The following PACS1 variants were observed in gnomAD, a reference collection of about 807,000 sequenced individuals.
The protein encoded by PACS1 is PACS-1.
A neutral mutation model predicts 115.0 loss-of-function variants in PACS1; 24 were observed. The ratio of observed to expected loss-of-function variants is 0.21; its 90% confidence interval spans 0.15 to 0.29. The LOEUF (loss-of-function observed/expected upper bound fraction) is 0.29, where lower values mean the gene tolerates loss of function less well. Ranked by LOEUF, PACS1 falls within the 10% of genes least tolerant of loss-of-function variation. The pLI, the probability that PACS1 is intolerant of heterozygous loss-of-function variation, is 1.00. For synonymous variants in PACS1, 453 were observed against 504.5 expected, an observed-to-expected ratio of 0.90 and a Z score of 1.37; for missense variants, 838 against 1,251.2, an observed-to-expected ratio of 0.67 and a Z score of 4.98.
chr11:66,154,529 T>G (rs191569576), intron 1 of PACS1, among the ~76,000 whole-genome samples: 1 of 152,228 alleles, frequency 6.6e-6, no homozygotes, highest in East Asian at 1.9e-4. Context: ...ACAAGGTCAG[T>G]ATATCAAGAA....
intron 1 of PACS1, among the ~76,000 whole-genome samples, chr11:66,079,913 C>T (rs1324249370): frequency 6.6e-6 from 1 of 152,160 alleles, no homozygotes; most frequent in African/African-American, 2.4e-5. Context: ...ACTTGCTGTT[C>T]CCTCTACCTG....
chr11:66,149,090 CTTTTTTTT>C (rs10717909), intron 1 of PACS1, among the ~76,000 whole-genome samples: 2 of 98,136 alleles, frequency 2.0e-5, no homozygotes, highest in African/African-American at 4.0e-5. Context: ...TGCACACGCA[CTTTTTTTT>C]TTTTTTTTTT....
intron 10 of PACS1, among the ~76,000 whole-genome samples, chr11:66,225,520 G>A (rs1463049495): frequency 2.0e-5 from 3 of 152,196 alleles, no homozygotes; most frequent in African/African-American, 4.8e-5. Context: ...ATTATCAGGA[G>A]ATGGATATGC....
In PACS1 at chr11:66,221,184, C is replaced by T; in HGVS notation, c.1230C>T (p.Ser410=). 6.2e-7 allele frequency: 1 copy of T among 1,614,244 alleles called. No individual in the cohort carries two copies. The highest frequency in any genetic ancestry group is 8.5e-7 in the Non-Finnish European group (1 of 1,180,034). The change falls in exon 10 of 24, where the codon AGC becomes AGT. Residue 410 remains serine (S), a synonymous_variant. Transcript: ENST00000320580. The stretch of plus-strand genomic sequence containing the variant: ...TCTTTGAGGGGATGTCGCAGTCCAG[C>T]TCCCAGACGGAGATTGGCAGCCTCA... ...KPFFEGMSQS[S]SQTEIGSLNS... is the part of the protein sequence containing the mutation.
At chr11:66,169,550 C>T (rs945558905) in intron 1 of PACS1, among the ~76,000 whole-genome samples, 3 of 144,922 alleles carry the variant, frequency 2.1e-5, no homozygotes, top group African/African-American at 8.2e-5. Flanking sequence ...CAGGTGTGTG[C>T]CACCACGCCC....
intron 7 of PACS1, chr11:66,219,517 TG>T (rs1488190965): frequency 3.0e-6 from 2 of 667,450 alleles, no homozygotes; most frequent in South Asian, 1.5e-5. Flanking sequence ...GTGGAGGACC[TG>T]GGGATAGACA....
Position 66,070,640 on chromosome 11 carries a change from C to T in PACS1, c.154C>T (p.Gln52Ter), listed in dbSNP as rs2134486474. ...PQQPTPPKLA[Q>*]ATSSSSSTSA... Reference sequence around the variant, plus strand: ...GCAGCCGACGCCCCCCAAGCTGGCCCAGGCCACCTCGTCGTCCTCGTCCAC... The same window carrying T: ...GCAGCCGACGCCCCCCAAGCTGGCCTAGGCCACCTCGTCGTCCTCGTCCAC... Residue 52 changes from glutamine (Q) to a stop codon, truncating the protein, a stop_gained, in exon 1 of 24, where the codon CAG becomes TAG. Transcript: ENST00000320580. LOFTEE classifies it high-confidence loss of function. The surrounding 1 kb of genome is among the most constrained non-coding windows in gnomAD (Gnocchi z 5.9). 6.4e-7 allele frequency: 1 copy of T among 1,558,228 alleles called. No individual in the cohort carries two copies.
At chr11:66,144,212 A>G (rs1859066732) in intron 1 of PACS1, among the ~76,000 whole-genome samples, 1 of 152,226 alleles carries the variant, frequency 6.6e-6, no homozygotes, top group South Asian at 2.1e-4. Context: ...AAAGAATGAG[A>G]AGACTAACTA....
chr11:66,199,240 A>G (rs1476330797), intron 2 of PACS1, among the ~76,000 whole-genome samples: 2 of 150,326 alleles, frequency 1.3e-5, no homozygotes, highest in Non-Finnish European at 1.5e-5. Flanking sequence ...GCGTGAACCC[A>G]GGAGTCGGAG....
intron 1 of PACS1, among the ~76,000 whole-genome samples, chr11:66,134,082 A>G (rs1159562686): frequency 5.3e-5 from 8 of 151,808 alleles, no homozygotes; most frequent in African/African-American, 1.7e-4. Flanking sequence ...TCACATTGTC[A>G]TTGTTCCAGG....
At chr11:66,189,985 T>C (rs1407859893) in intron 1 of PACS1, among the ~76,000 whole-genome samples, 1 of 152,240 alleles carries the variant, frequency 6.6e-6, no homozygotes, top group Non-Finnish European at 1.5e-5. Context: ...ATCTGATGTC[T>C]ACTGTGACGA....
intron 2 of PACS1, among the ~76,000 whole-genome samples, chr11:66,202,277 A>T (rs1444445312): frequency 6.6e-6 from 1 of 152,214 alleles, no homozygotes; most frequent in Non-Finnish European, 1.5e-5. Context: ...AGGCCTTGAT[A>T]GCTTCACTAC....
At chr11:66,156,852 C>G (rs891608486) in intron 1 of PACS1, among the ~76,000 whole-genome samples, 1 of 124,820 alleles carries the variant, frequency 8.0e-6, no homozygotes, top group African/African-American at 2.8e-5. Flanking sequence ...GACTCTGTCT[C>G]GAAAAAAAAA....
intron 1 of PACS1, among the ~76,000 whole-genome samples, chr11:66,105,993 C>T (rs1363301969): frequency 6.6e-6 from 1 of 152,174 alleles, no homozygotes; most frequent in Non-Finnish European, 1.5e-5. Context: ...TTTGGGTTTT[C>T]TCAAAGCGTC....
At chr11:66,136,353 A>ACACC (rs770822575) in intron 1 of PACS1, among the ~76,000 whole-genome samples, 1 of 150,228 alleles carries the variant, frequency 6.7e-6, no homozygotes, top group African/African-American at 2.5e-5. Context: ...ACACACACAC[A>ACACC]CCAAAAACCA....
chr11:66,142,145 TC>T (rs770290972), intron 1 of PACS1, among the ~76,000 whole-genome samples: 1 of 152,010 alleles, frequency 6.6e-6, no homozygotes, highest in Non-Finnish European at 1.5e-5. Flanking sequence ...CAGGCTGCTC[TC>T]CTGGGCTCAA....
Position 66,234,343 on chromosome 11 carries a change from G to A in PACS1, c.2104+101G>A, listed in dbSNP as rs905289290. On this transcript the variant is annotated intron_variant, in intron 17 of 23. Transcript: ENST00000320580. Reference sequence around the variant, plus strand: ...AGGTCATGCTGCTTTCCTCCCTGCAGCTCTCACCTTCCCGGTCACTCTGTC... The same window carrying A: ...AGGTCATGCTGCTTTCCTCCCTGCAACTCTCACCTTCCCGGTCACTCTGTC... 11 of 790,708 alleles carry A rather than the reference G, an allele frequency of 1.4e-5. No homozygotes were observed. The African/African-American group carries it at 1.9e-4, about 13-fold the overall frequency. 49.0% of individuals were successfully genotyped at this position (790,708 alleles called of 1,614,324 possible). A position where few individuals can be genotyped will look rare whatever the true frequency, so the allele number is the denominator to read the frequency against.
intron 1 of PACS1, among the ~76,000 whole-genome samples, chr11:66,136,997 A>G (rs920077111): frequency 1.4e-5 from 2 of 145,176 alleles, no homozygotes; most frequent in Non-Finnish European, 3.0e-5. Flanking sequence ...AAATAGCCCT[A>G]TGTCTTGGAT....
intron 4 of PACS1, 97 bp from the exon 5 acceptor site, chr11:66,216,022 A>G: frequency 9.3e-7 from 1 of 1,077,758 alleles, no homozygotes; most frequent in Non-Finnish European, 1.4e-6. Flanking sequence ...ACGTATCAGC[A>G]GAATGCTGTT....
Sources: gnomAD v4.1 joint callset for allele counts (sites outside exome capture counted in the v4.1 genomes callset) on GRCh38, gnomAD v4.1.1 for gene constraint, Gnocchi (gnomAD v3.1) non-coding constraint, MANE v1.5 for transcripts, NCBI Gene and HGNC (gene_info 2026-07-23, HGNC 2026-07-21) for gene names.